NFATC2: variants seen among roughly 807,000 people sequenced by gnomAD.
NFATC2 encodes the protein nuclear factor of activated T cells 2.
Under a neutral mutation model 87.3 loss-of-function variants are expected in NFATC2, and 22 were observed. That is an observed-to-expected ratio of 0.25 (90% CI 0.18 to 0.36). The LOEUF is 0.36. NFATC2 is among the 10% of genes least tolerant of loss of function. The probability of loss-of-function intolerance (pLI) is 1.00; values close to 1 mark genes in which losing one functional copy is unlikely to be tolerated. For missense variants in NFATC2, 1,149 were observed against 1,259.1 expected (o/e 0.91, Z 1.32); for synonymous variants, 565 against 542.2 (o/e 1.04, Z -0.58).
chr20:51,443,208 T>TC (rs1272811277), intron 6 of NFATC2, among the ~76,000 whole-genome samples: 1 of 152,050 alleles, frequency 6.6e-6, no homozygotes, highest in Non-Finnish European at 1.5e-5. Flanking sequence ...AACTTTCTAC[T>TC]CCTCCCTTCC....
chr20:51,421,079 AAAAAAAAAAC>A (rs1375164917), intron 9 of NFATC2, among the ~76,000 whole-genome samples: 3 of 151,868 alleles, frequency 2.0e-5, no homozygotes, highest in Admixed American at 6.6e-5. Flanking sequence ...GTCTTAAAAA[AAAAAAAAAAC>A]AAAAAAAACT....
chr20:51,537,858 T>G (rs1228786994), intron 1 of NFATC2, among the ~76,000 whole-genome samples: 1 of 152,160 alleles, frequency 6.6e-6, no homozygotes, highest in Non-Finnish European at 1.5e-5. Context: ...AGAGTCTTCT[T>G]TGCACATCTC....
At chr20:51,472,629 C>CTTTTTTTTTTT (rs1223762055) in intron 5 of NFATC2, among the ~76,000 whole-genome samples, 36 of 92,730 alleles carry the variant, frequency 3.9e-4, no homozygotes, top group Non-Finnish European at 4.4e-4. Context: ...CTTCTTTCTT[C>CTTTTTTTTTTT]TTTTTTTTTT....
chr20:51,523,997 G>C lies in NFATC2; in HGVS notation c.244C>G (p.Pro82Ala), dbSNP rs753475209. 2.6e-6 allele frequency: 4 copies of C among 1,568,022 alleles called. No homozygotes were observed. The highest frequency in any genetic ancestry group is 1.4e-5 in the African/African-American group (1 of 72,216). Reference sequence around the variant, plus strand: ...TCCGGCTCTCCGAATCGGCCGGGGGGCTCGCCAGAGAGACTAGCAAGGGGG... The same window carrying C: ...TCCGGCTCTCCGAATCGGCCGGGGGCCTCGCCAGAGAGACTAGCAAGGGGG... ...YSPLASLSGE[P>A]PGRFGEPDRV... Residue 82 changes from proline to alanine, a missense_variant, in exon 2 of 11, where the codon CCC (proline) becomes GCC (alanine). This residue lies in a region of NFATC2 where 563 missense variants were observed against 585.2 expected (regional missense o/e 0.96). Transcript: ENST00000371564. The surrounding 1 kb of genome is among the most constrained non-coding windows in gnomAD (Gnocchi z 6.9).
chr20:51,475,259 A>G (rs1024099224), intron 4 of NFATC2, among the ~76,000 whole-genome samples, 199 bp downstream of exon 4: 1 of 152,110 alleles, frequency 6.6e-6, no homozygotes, highest in East Asian at 1.9e-4. Context: ...GCGAGCCACC[A>G]CGCCCGGCCT....
rs1001040358 is a variant in NFATC2 at position 51,389,822 on chromosome 20, T to G, written c.*1674A>C. On this transcript the variant is annotated 3_prime_UTR_variant, in exon 11 of 11. Coordinates refer to ENST00000371564, the MANE Select transcript of NFATC2 (RefSeq NM_012340.5). ...GACTTACAAAGCCCACAGTGGGCACTGAGTGGCCATGACTTTCTTCTGAGG... is the reference window on the plus strand; with the variant it reads ...GACTTACAAAGCCCACAGTGGGCACGGAGTGGCCATGACTTTCTTCTGAGG... The G allele has an allele frequency of 1.3e-5, 2 of 152,212 alleles. No individual in the cohort carries two copies. The highest frequency in any genetic ancestry group is 2.9e-5 in the Non-Finnish European group (2 of 68,038). The allele number at this position is 152,212 out of a possible 1,614,324, so 9.4% of individuals were successfully genotyped here. A position where few individuals can be genotyped will look rare whatever the true frequency, so the allele number is the denominator to read the frequency against.
chr20:51,558,497 G>C (rs2076996941), intron 1 of NFATC2, among the ~76,000 whole-genome samples: 1 of 151,828 alleles, frequency 6.6e-6, no homozygotes, highest in Admixed American at 6.6e-5. Context: ...GGGGGGGCGA[G>C]GTAAATGTTG....
chr20:51,539,036 C>T (rs186562517), intron 1 of NFATC2, among the ~76,000 whole-genome samples: 2 of 152,250 alleles, frequency 1.3e-5, no homozygotes, highest in East Asian at 1.9e-4. Context: ...ATTACTTTAC[C>T]TCTCTGTGCC....
chr20:51,513,606 A>C (rs1207927771), intron 3 of NFATC2, among the ~76,000 whole-genome samples: 1 of 152,188 alleles, frequency 6.6e-6, no homozygotes, highest in African/African-American at 2.4e-5. Context: ...TGGACTGTAC[A>C]CTCAGCCCAT....
rs371615930 is a variant in NFATC2 at position 51,432,353 on chromosome 20, G to A, written c.2436C>T (p.His812=). 1.5e-5 allele frequency: 24 copies of A among 1,613,898 alleles called. No individual in the cohort carries two copies. Among genetic ancestry groups the A allele is most frequent in the Non-Finnish European group, 1.4e-5 (17 of 1,179,966 alleles). ...GCAGCTGCTGGTTGGTGGGTGAGTA[G>A]TGGATCACAGGCGAGGCCTGCTGGT... is the stretch of plus-strand genomic sequence containing the variant. ...PTNQQASPVI[H]YSPTNQQLRC... is the part of the protein sequence containing the mutation. The change falls in exon 9 of 11, where the codon CAC becomes CAT. Residue 812 remains histidine, a synonymous_variant. Coordinates refer to ENST00000371564, the MANE Select transcript of NFATC2 (RefSeq NM_012340.5). This position sits in a 1 kb window ranked among gnomAD's most constrained non-coding sequence, Gnocchi z 4.6.
chr20:51,545,782 A>G (rs904300606), upstream of NFATC2, among the ~76,000 whole-genome samples: 1 of 152,120 alleles, frequency 6.6e-6, no homozygotes, highest in Non-Finnish European at 1.5e-5. Context: ...GGATGGACGG[A>G]TGGATGGAGG....
upstream of NFATC2, among the ~76,000 whole-genome samples, chr20:51,546,137 G>A (rs2076887752): frequency 6.6e-6 from 1 of 152,196 alleles, no homozygotes. Flanking sequence ...AAAAATTTCA[G>A]CCTGAGGCAG....
At chr20:51,518,403 A>AG (rs1268339444) in intron 2 of NFATC2, among the ~76,000 whole-genome samples, 4 of 152,196 alleles carry the variant, frequency 2.6e-5, no homozygotes, top group Non-Finnish European at 5.9e-5. Flanking sequence ...AGGGGAGCCC[A>AG]GGGGGTAGCA....
chr20:51,405,783 C>T (rs1675686706), intron 9 of NFATC2, among the ~76,000 whole-genome samples: 1 of 152,198 alleles, frequency 6.6e-6, no homozygotes, highest in African/African-American at 2.4e-5. Flanking sequence ...ATAACTACCA[C>T]CTCCTAATTG....
intron 3 of NFATC2, among the ~76,000 whole-genome samples, chr20:51,489,054 G>A (rs913706467): frequency 1.3e-5 from 2 of 152,218 alleles, no homozygotes; most frequent in Non-Finnish European, 2.9e-5. Flanking sequence ...GCCAGACAGG[G>A]TGGCGGGCGC....
chr20:51,522,080 T>G (rs908828929), intron 2 of NFATC2, among the ~76,000 whole-genome samples: 2 of 152,188 alleles, frequency 1.3e-5, no homozygotes, highest in African/African-American at 4.8e-5. Flanking sequence ...ATAGGTTATA[T>G]GCAAATACTA....
intron 3 of NFATC2, among the ~76,000 whole-genome samples, chr20:51,493,306 C>CG (rs3838018): frequency 0.078 from 11,807 of 152,164 alleles, 599 homozygotes; most frequent in African/African-American, 0.15. Flanking sequence ...GAACCAGTGG[C>CG]GACACATAGT....
intron 5 of NFATC2, among the ~76,000 whole-genome samples, chr20:51,460,945 T>A (rs4809845): frequency 2.0e-5 from 3 of 152,078 alleles, no homozygotes; most frequent in Non-Finnish European, 4.4e-5. Flanking sequence ...GCCAGACATT[T>A]GCATTTTAAC....
chr20:51,441,711 C>G (rs6021206), intron 6 of NFATC2, among the ~76,000 whole-genome samples: 3,002 of 73,464 alleles, frequency 0.041, 51 homozygotes, highest in Non-Finnish European at 0.044. Context: ...GAGCAAAACT[C>G]CATCTCAAAA....
Sources: allele counts gnomAD v4.1 joint callset (sites outside exome capture counted in the v4.1 genomes callset), GRCh38; gene constraint gnomAD v4.1.1; regional missense constraint gnomAD v4.1.1; non-coding constraint Gnocchi (gnomAD v3.1); transcripts MANE v1.5; gene names NCBI Gene and HGNC (gene_info 2026-07-23, HGNC 2026-07-21).